TIAM1: variants seen among roughly 807,000 people sequenced by gnomAD.
TIAM1 encodes rho guanine nucleotide exchange factor TIAM1.
In TIAM1, 65 loss-of-function variants were observed where a neutral mutation model predicts 163.5. That is an observed-to-expected ratio of 0.40 (90% CI 0.33 to 0.49). TIAM1 has a LOEUF of 0.49. Among genes scored for constraint, TIAM1 ranks in the 20% least tolerant of loss-of-function variants. The pLI is 0.77. For missense variants in TIAM1, 1,789 were observed against 2,044.7 expected (o/e 0.87, Z 2.41); for synonymous variants, 833 against 810.1 (o/e 1.03, Z -0.48).
intron 1 of TIAM1, among the ~76,000 whole-genome samples, chr21:31,466,001 C>T (rs571995548): frequency 1.4e-4 from 21 of 152,324 alleles, no homozygotes; most frequent in Non-Finnish European, 2.4e-4. Flanking sequence ...CCACGGCGCC[C>T]GGCCTTCTTA....
At chr21:31,311,075 C>G (rs760008210) in intron 2 of TIAM1, among the ~76,000 whole-genome samples, 4 of 152,152 alleles carry the variant, frequency 2.6e-5, no homozygotes, top group South Asian at 2.1e-4. Flanking sequence ...AAATAATGAA[C>G]TGCCAATAAG....
At chr21:31,298,021 T>C (rs1423614958) in intron 2 of TIAM1, among the ~76,000 whole-genome samples, 1 of 152,196 alleles carries the variant, frequency 6.6e-6, no homozygotes, top group Admixed American at 6.5e-5. Flanking sequence ...CTATGTACAT[T>C]AGATAATCTA....
Position 31,182,482 on chromosome 21 carries a change from G to C in TIAM1, c.2826C>G (p.His942Gln). ...CAAGGTCGGCAGGGCCGTCCACTCGGTGGGGCGGGCTTTCCAGCAGCTCCA... is the reference window on the plus strand; with the variant it reads ...CAAGGTCGGCAGGGCCGTCCACTCGCTGGGGCGGGCTTTCCAGCAGCTCCA... ...EGVELLESPP[H>Q]RVDGPADLGE... The change falls in exon 15 of 28, where the codon CAC becomes CAG. Residue 942 changes from histidine (H) to glutamine (Q), a missense_variant. Coordinates refer to ENST00000541036, the MANE Select transcript of TIAM1 (RefSeq NM_001353694.2). 6.2e-7 allele frequency: 1 copy of C among 1,611,538 alleles called. No individual in the cohort carries two copies. Among genetic ancestry groups the C allele is most frequent in the Non-Finnish European group, 8.5e-7 (1 of 1,178,990 alleles).
chr21:31,310,918 A>G (rs1320085635), intron 2 of TIAM1, among the ~76,000 whole-genome samples: 1 of 152,186 alleles, frequency 6.6e-6, no homozygotes, highest in Non-Finnish European at 1.5e-5. Flanking sequence ...ATTTTCGGAT[A>G]TTTACATTTA....
intron 1 of TIAM1, among the ~76,000 whole-genome samples, chr21:31,468,170 GTTAT>G (rs1356733520): frequency 3.3e-5 from 5 of 151,880 alleles, no homozygotes; most frequent in Admixed American, 6.6e-5. Flanking sequence ...CTGGGCAGAG[GTTAT>G]TTAAGAATCC....
At chr21:31,285,817 C>T (rs2073787223) in intron 2 of TIAM1, among the ~76,000 whole-genome samples, 1 of 152,094 alleles carries the variant, frequency 6.6e-6, no homozygotes, top group Admixed American at 6.5e-5. Flanking sequence ...GCGAAGATCA[C>T]ACCATTGCAC....
chr21:31,363,991 A>C (rs1031199271), intron 2 of TIAM1, among the ~76,000 whole-genome samples: 1 of 152,212 alleles, frequency 6.6e-6, no homozygotes. Flanking sequence ...CCATGAGGAA[A>C]AGTGCAGAGC....
At chr21:31,343,568 T>C (rs1222520191) in intron 1 of TIAM1, among the ~76,000 whole-genome samples, 2 of 152,124 alleles carry the variant, frequency 1.3e-5, no homozygotes, top group African/African-American at 4.8e-5. Flanking sequence ...AGATGTAAAA[T>C]TAATGAGAAC....
At chr21:31,519,268 G>T (rs2047488023) in intron 1 of TIAM1, among the ~76,000 whole-genome samples, 1 of 139,558 alleles carries the variant, frequency 7.2e-6, no homozygotes, top group Admixed American at 8.0e-5. Flanking sequence ...TCGCGCCACT[G>T]CACTCCAGCC....
chr21:31,558,759 G>A (rs1366684898), intron 1 of TIAM1, among the ~76,000 whole-genome samples: 1 of 152,096 alleles, frequency 6.6e-6, no homozygotes, highest in East Asian at 1.9e-4. Flanking sequence ...AAAACAATAC[G>A]TGGAAAGCCC....
At chr21:31,332,322 C>T (rs1365147339) in intron 2 of TIAM1, among the ~76,000 whole-genome samples, 1 of 152,136 alleles carries the variant, frequency 6.6e-6, no homozygotes, top group Non-Finnish European at 1.5e-5. Flanking sequence ...TACATAATAT[C>T]CATATTACAG....
intron 17 of TIAM1, among the ~76,000 whole-genome samples, chr21:31,153,496 G>A (rs1019722250): frequency 3.9e-5 from 6 of 152,096 alleles, no homozygotes; most frequent in Non-Finnish European, 7.4e-5. Context: ...GAGAGCCGTC[G>A]TTTGCTAACC....
intron 6 of TIAM1, among the ~76,000 whole-genome samples, chr21:31,226,952 GTTTT>G (rs35401090): frequency 0.032 from 3,553 of 112,550 alleles, 107 homozygotes; most frequent in African/African-American, 0.12. Context: ...AAAATTCTGT[GTTTT>G]TTTTTTTTTT....
chr21:31,142,858 G>A (rs2082919552), intron 20 of TIAM1, among the ~76,000 whole-genome samples: 1 of 152,070 alleles, frequency 6.6e-6, no homozygotes, highest in Non-Finnish European at 1.5e-5. Flanking sequence ...CTTCCTCAGT[G>A]TCCCAGCTGG....
chr21:31,495,040 A>C (rs991040840), intron 1 of TIAM1, among the ~76,000 whole-genome samples: 1 of 152,228 alleles, frequency 6.6e-6, no homozygotes, highest in Non-Finnish European at 1.5e-5. Context: ...TAGGTCAGGG[A>C]AAAAACAGTG....
At chr21:31,427,071 C>A (rs2043818395) in intron 2 of TIAM1, among the ~76,000 whole-genome samples, 1 of 152,056 alleles carries the variant, frequency 6.6e-6, no homozygotes, top group Non-Finnish European at 1.5e-5. Flanking sequence ...CAGGTGTGTG[C>A]CACCATGCCT....
intron 2 of TIAM1, among the ~76,000 whole-genome samples, chr21:31,396,542 A>T (rs1050303725): frequency 1.3e-5 from 2 of 150,428 alleles, no homozygotes; most frequent in East Asian, 1.9e-4. Flanking sequence ...TAAATATAAA[A>T]AATAATAATA....
intron 22 of TIAM1, among the ~76,000 whole-genome samples, chr21:31,137,624 A>G (rs1427307980): frequency 6.6e-6 from 1 of 151,830 alleles, no homozygotes; most frequent in Non-Finnish European, 1.5e-5. Context: ...ACAGAATTAC[A>G]TTATCTGCAC....
chr21:31,405,039 T>C (rs556076719), intron 2 of TIAM1, among the ~76,000 whole-genome samples: 7 of 151,960 alleles, frequency 4.6e-5, no homozygotes, highest in Non-Finnish European at 1.0e-4. Context: ...CCCAGGAGTT[T>C]GAGACCAACC....
Sources: allele counts gnomAD v4.1 joint callset (sites outside exome capture counted in the v4.1 genomes callset), GRCh38; gene constraint gnomAD v4.1.1; transcripts MANE v1.5; gene names NCBI Gene and HGNC (gene_info 2026-07-23, HGNC 2026-07-21).